Variants in LAMA3 observed in about 807,000 individuals in gnomAD.
LAMA3 encodes the protein laminin subunit alpha 3, also known as laminin subunit alpha-3.
A neutral mutation model predicts 402.0 loss-of-function variants in LAMA3; 281 were observed. That is an observed-to-expected ratio of 0.70 (90% CI 0.63 to 0.77). LAMA3 has a LOEUF of 0.77. Among genes scored for constraint, LAMA3 ranks in the 30% least tolerant of loss-of-function variants. The pLI is 0.00. For synonymous variants in LAMA3, 1,431 were observed against 1,558.4 expected (o/e 0.92, Z 1.93); for missense variants, 3,840 against 4,215.5 (o/e 0.91, Z 2.47).
chr18:23,929,463 A>G (rs1339021965), intron 64 of LAMA3, among the ~76,000 whole-genome samples: 1 of 152,214 alleles, frequency 6.6e-6, no homozygotes, highest in African/African-American at 2.4e-5. Context: ...GCAGACTTCT[A>G]GTATCTGTCA....
intron 8 of LAMA3, 130 bp downstream of exon 8, chr18:23,763,653 G>A: frequency 1.3e-6 from 1 of 755,216 alleles, no homozygotes; most frequent in Non-Finnish European, 2.5e-6. Flanking sequence ...TTTCTCCACT[G>A]TTGCTCACAC....
chr18:23,773,471 T>G, intron 8 of LAMA3, 26 bp from the exon 9 acceptor site: 1 of 1,476,214 alleles, frequency 6.8e-7, no homozygotes, highest in Non-Finnish European at 9.3e-7. Flanking sequence ...GAACCCTTCC[T>G]TTAAGTTTCT....
intron 41 of LAMA3, among the ~76,000 whole-genome samples, 166 bp from the exon 42 acceptor site, chr18:23,889,845 G>A (rs1599014158): frequency 6.6e-6 from 1 of 152,276 alleles, no homozygotes; most frequent in Middle Eastern, 3.4e-3. Context: ...GACAATTCAA[G>A]GGGTAAATAC....
intron 1 of LAMA3, among the ~76,000 whole-genome samples, chr18:23,698,657 T>C (rs377592969): frequency 2.6e-5 from 4 of 152,374 alleles, no homozygotes; most frequent in African/African-American, 7.2e-5. Context: ...ATTCTTAAAG[T>C]AGATTCCAAT....
At chr18:23,797,804 T>C (rs1402252292) in intron 12 of LAMA3, among the ~76,000 whole-genome samples, 1 of 152,240 alleles carries the variant, frequency 6.6e-6, no homozygotes, top group Non-Finnish European at 1.5e-5. Flanking sequence ...GGATTTATGT[T>C]TTGCATTAAA....
intron 2 of LAMA3, among the ~76,000 whole-genome samples, chr18:23,727,302 CTTGT>C (rs2061315679): frequency 8.5e-6 from 1 of 117,596 alleles, no homozygotes; most frequent in Non-Finnish European, 1.9e-5. Context: ...AATTTCTGTC[CTTGT>C]TTGATTGATT....
In LAMA3 at chr18:23,858,699, A is replaced by G. The variant is rs2064143434; in HGVS notation, c.4292A>G (p.Glu1431Gly). Residue 1431 changes from glutamate to glycine, a missense_variant, in exon 34 of 75, where the codon GAA (glutamate) becomes GGA (glycine). This residue lies in a region of LAMA3 where 2,109 missense variants were observed against 2,376.0 expected (regional missense o/e 0.89). Coordinates refer to ENST00000313654, the MANE Select transcript of LAMA3 (RefSeq NM_198129.4). ...GTTTTGCTTCAATAGGAAAATGTAGAAGGCACAGAGTGTAATGTGTGTCGA... is the reference window on the plus strand; with the variant it reads ...GTTTTGCTTCAATAGGAAAATGTAGGAGGCACAGAGTGTAATGTGTGTCGA... The part of the protein sequence containing the change: ...TGACLCKENV[E>G]GTECNVCREG... 4 of 1,614,190 alleles carry G rather than the reference A, an allele frequency of 2.5e-6. No individual in the cohort carries two copies. Among genetic ancestry groups the G allele is most frequent in the African/African-American group, 1.3e-5 (1 of 75,048 alleles).
At chr18:23,930,502 C>T (rs774544621) in intron 64 of LAMA3, among the ~76,000 whole-genome samples, 27 of 149,890 alleles carry the variant, frequency 1.8e-4, no homozygotes, top group Admixed American at 1.4e-3. Context: ...AATCCCAGCA[C>T]CTTGGGAGGC....
intron 38 of LAMA3, among the ~76,000 whole-genome samples, chr18:23,873,384 C>A (rs1473217466): frequency 2.6e-5 from 4 of 152,186 alleles, no homozygotes; most frequent in African/African-American, 9.7e-5. Flanking sequence ...ACAGATTGCT[C>A]TCCCGAGCTA....
At chr18:23,834,524 G>T (rs566564104) in intron 24 of LAMA3, 2 of 166,104 alleles carry the variant, frequency 1.2e-5, no homozygotes, top group African/African-American at 4.8e-5. Flanking sequence ...TAACTGACAA[G>T]GGCTTATTAA....
chr18:23,693,185 A>G (rs1340959764), intron 1 of LAMA3, among the ~76,000 whole-genome samples: 1 of 152,158 alleles, frequency 6.6e-6, no homozygotes, highest in Non-Finnish European at 1.5e-5. Flanking sequence ...TTCTACTAAA[A>G]ATACAGAAAT....
At chr18:23,794,039 G>C (rs2062714406) in intron 12 of LAMA3, among the ~76,000 whole-genome samples, 1 of 152,262 alleles carries the variant, frequency 6.6e-6, no homozygotes, top group Non-Finnish European at 1.5e-5. Context: ...ACGAGATATG[G>C]GGGAAGAGAC....
At chr18:23,799,517 C>T (rs1463140016) in intron 12 of LAMA3, among the ~76,000 whole-genome samples, 1 of 152,182 alleles carries the variant, frequency 6.6e-6, no homozygotes, top group Non-Finnish European at 1.5e-5. Flanking sequence ...ACTGGGTCTT[C>T]TCGCTCCCCA....
chr18:23,937,195 G>A (rs2082336610), intron 67 of LAMA3, among the ~76,000 whole-genome samples: 1 of 151,828 alleles, frequency 6.6e-6, no homozygotes, highest in Non-Finnish European at 1.5e-5. Context: ...GTGAAACCCC[G>A]TCTCTACTTA....
intron 1 of LAMA3, 82 bp from the exon 2 acceptor site, chr18:23,713,838 T>C: frequency 7.8e-7 from 1 of 1,287,854 alleles, no homozygotes; most frequent in South Asian, 1.3e-5. Context: ...TCCCTGTATT[T>C]GCTATATGGA....
chr18:23,872,846 A>T (rs918802756), intron 38 of LAMA3: 4 of 607,088 alleles, frequency 6.6e-6, no homozygotes, highest in African/African-American at 1.8e-5. Flanking sequence ...CAGGAATTAC[A>T]GAGCGGTGCG....
At chr18:23,842,968 G>A (rs891348264) in intron 29 of LAMA3, among the ~76,000 whole-genome samples, 5 of 152,194 alleles carry the variant, frequency 3.3e-5, no homozygotes, top group Admixed American at 6.5e-5. Flanking sequence ...GAGAGTAGGC[G>A]TCGCCCCTCT....
chr18:23,911,211 G>A (rs547460652), intron 55 of LAMA3, among the ~76,000 whole-genome samples: 8 of 152,234 alleles, frequency 5.3e-5, no homozygotes, highest in Admixed American at 2.0e-4. Context: ...AGAGAGAGGC[G>A]TGAAATGAGC....
intron 69 of LAMA3, among the ~76,000 whole-genome samples, chr18:23,945,372 G>A (rs901652234): frequency 6.6e-6 from 1 of 152,108 alleles, no homozygotes; most frequent in Non-Finnish European, 1.5e-5. Context: ...GGAAGAGAGG[G>A]TCCAGATCAC....
Sources: gnomAD v4.1 joint callset for allele counts (sites outside exome capture counted in the v4.1 genomes callset) on GRCh38, gnomAD v4.1.1 for gene constraint, gnomAD v4.1.1 regional missense constraint, MANE v1.5 for transcripts, NCBI Gene and HGNC (gene_info 2026-07-23, HGNC 2026-07-21) for gene names.